Variants in NTM observed in about 807,000 individuals in gnomAD.
The protein encoded by NTM is neurotrimin.
Under a neutral mutation model 42.1 loss-of-function variants are expected in NTM, and 13 were observed. The ratio of observed to expected loss-of-function variants is 0.31; its 90% CI spans 0.20 to 0.49. The LOEUF (loss-of-function observed/expected upper bound fraction) is 0.49, where lower values mean the gene tolerates loss of function less well. Ranked by LOEUF, NTM falls within the 20% of genes least tolerant of loss-of-function variation. The pLI is 0.99. For synonymous variants in NTM, 187 were observed against 179.2 expected, an observed-to-expected ratio of 1.04 and a Z score of -0.35; for missense variants, 373 against 452.8, an observed-to-expected ratio of 0.82 and a Z score of 1.60.
intron 2 of NTM, among the ~76,000 whole-genome samples, chr11:131,971,065 CCCTAGTTTCATAGCCAGCGGTGATTT>C (rs541086234): frequency 8.4e-4 from 128 of 152,316 alleles, no homozygotes; most frequent in African/African-American, 2.9e-3. Context: ...TGAGAAATTT[CCCTAGTTTCATAGCCAGCGGTGATTT>C]TGCTGGGTCA....
chr11:132,058,545 TC>T (rs1209853043), intron 2 of NTM, among the ~76,000 whole-genome samples: 4 of 152,222 alleles, frequency 2.6e-5, no homozygotes, highest in African/African-American at 9.6e-5. Flanking sequence ...TTCATCCCCC[TC>T]TTGACATGGG....
intron 1 of NTM, chr11:131,910,176 A>G (rs2054501969): frequency 6.6e-6 from 1 of 152,130 alleles, no homozygotes; most frequent in South Asian, 2.1e-4. Flanking sequence ...CTGAATAACT[A>G]TGAGGTTCTT....
chr11:132,066,833 A>G (rs1247899686), intron 2 of NTM, among the ~76,000 whole-genome samples: 1 of 152,102 alleles, frequency 6.6e-6, no homozygotes, highest in African/African-American at 2.4e-5. Context: ...CTTCCCATCT[A>G]TGGATCCTTA....
At chr11:131,426,996 G>A (rs572142843) in intron 1 of NTM, among the ~76,000 whole-genome samples, 1 of 152,120 alleles carries the variant, frequency 6.6e-6, no homozygotes, top group Non-Finnish European at 1.5e-5. Flanking sequence ...AGGTGGAGAG[G>A]GCAGGAGGGC....
chr11:131,543,545 G>A (rs2053552632), intron 1 of NTM, among the ~76,000 whole-genome samples: 1 of 152,200 alleles, frequency 6.6e-6, no homozygotes, highest in South Asian at 2.1e-4. Flanking sequence ...ACCAGCACCA[G>A]AGGAAAGCTG....
At chr11:131,964,139 C>A (rs1281576595) in intron 2 of NTM, among the ~76,000 whole-genome samples, 1 of 152,110 alleles carries the variant, frequency 6.6e-6, no homozygotes, top group East Asian at 1.9e-4. Flanking sequence ...TAAGAACAGT[C>A]CAGAAGGGTG....
Position 131,643,950 on chromosome 11 carries a change from A to G in NTM, c.83-267614A>G, listed in dbSNP as rs11826451. Among the ~76,000 whole-genome samples, 1,174 of 152,338 alleles carry G rather than the reference A, an allele frequency of 7.7e-3. 24 individuals are homozygous for G. Among genetic ancestry groups the G allele is most frequent in the African/African-American group, 0.027 (1,113 of 41,580 alleles). On this transcript the variant is annotated intron_variant, in intron 1 of 8. Transcript: ENST00000683400. ...TTTGGATTTTGGCAATATGGGCATA[A>G]TCATGTATGCACAGACATTCTGAAC... is the stretch of plus-strand genomic sequence containing the variant.
chr11:131,957,659 C>A (rs940823649), intron 2 of NTM, among the ~76,000 whole-genome samples: 3 of 152,164 alleles, frequency 2.0e-5, no homozygotes, highest in African/African-American at 7.2e-5. Context: ...ATTTTAATTG[C>A]CATCCCACTA....
At chr11:132,125,725 GA>G (rs1566232122) in intron 2 of NTM, among the ~76,000 whole-genome samples, 11 of 151,780 alleles carry the variant, frequency 7.2e-5, no homozygotes, top group East Asian at 3.9e-4. Context: ...TGTGGTGTGT[GA>G]TGTGTGTGTG....
intron 7 of NTM, among the ~76,000 whole-genome samples, chr11:132,325,984 A>G (rs1419305902): frequency 1.4e-5 from 2 of 146,562 alleles, no homozygotes; most frequent in African/African-American, 5.1e-5. Flanking sequence ...ACATGGACAC[A>G]GGAAGGGGAA....
chr11:132,265,624 G>A (rs56377785), intron 4 of NTM, among the ~76,000 whole-genome samples: 3,105 of 152,266 alleles, frequency 0.02, 41 homozygotes, highest in Non-Finnish European at 0.03. Context: ...GAAAAGCTGG[G>A]TCAAATGCAG....
At chr11:131,933,267 C>G (rs1037718320) in intron 2 of NTM, among the ~76,000 whole-genome samples, 1 of 152,262 alleles carries the variant, frequency 6.6e-6, no homozygotes, top group African/African-American at 2.4e-5. Flanking sequence ...TGGGTGCCTG[C>G]CCTAGAGACC....
intron 1 of NTM, among the ~76,000 whole-genome samples, chr11:131,879,474 TCAACACTC>T (rs1219480304): frequency 2.0e-5 from 3 of 152,110 alleles, no homozygotes; most frequent in Admixed American, 2.0e-4. Context: ...CCACCAATCT[TCAACACTC>T]TTACTTTTAA....
intron 2 of NTM, among the ~76,000 whole-genome samples, chr11:132,084,220 G>A (rs1353159305): frequency 1.3e-5 from 2 of 152,036 alleles, no homozygotes; most frequent in Non-Finnish European, 2.9e-5. Flanking sequence ...GACAACAATT[G>A]TCTATGAATA....
chr11:132,014,059 C>G (rs144254213), intron 2 of NTM, among the ~76,000 whole-genome samples: 3,247 of 152,140 alleles, frequency 0.021, 44 homozygotes, highest in South Asian at 0.056. Flanking sequence ...CACCCCTTCA[C>G]AGCCCTCACA....
chr11:131,763,589 C>G (rs1415029391), intron 1 of NTM, among the ~76,000 whole-genome samples: 1 of 151,900 alleles, frequency 6.6e-6, no homozygotes, highest in Non-Finnish European at 1.5e-5. Flanking sequence ...GTGATAAAAT[C>G]CCTATACATG....
At chr11:131,717,370 A>G (rs548677686) in intron 1 of NTM, among the ~76,000 whole-genome samples, 1 of 152,298 alleles carries the variant, frequency 6.6e-6, no homozygotes, top group Non-Finnish European at 1.5e-5. Flanking sequence ...TTAGTTTAGT[A>G]TATGTCTCTA....
intron 3 of NTM, among the ~76,000 whole-genome samples, chr11:132,179,957 G>A (rs963719874): frequency 2.6e-5 from 4 of 152,058 alleles, no homozygotes; most frequent in Admixed American, 6.6e-5. Flanking sequence ...CCTCCATTTC[G>A]TTATTAGAAA....
intron 1 of NTM, among the ~76,000 whole-genome samples, chr11:131,874,460 A>G (rs1393484868): frequency 6.6e-6 from 1 of 152,212 alleles, no homozygotes; most frequent in East Asian, 1.9e-4. Context: ...CTAAAGAAAT[A>G]TTGTTGCACA....
Sources: allele counts gnomAD v4.1 joint callset (sites outside exome capture counted in the v4.1 genomes callset), GRCh38; gene constraint gnomAD v4.1.1; transcripts MANE v1.5; gene names NCBI Gene and HGNC (gene_info 2026-07-23, HGNC 2026-07-21).